Variants in MAT1A observed in about 807,000 individuals in gnomAD.
The protein encoded by MAT1A is S-adenosylmethionine synthase isoform type-1.
Under a neutral mutation model 44.0 loss-of-function variants are expected in MAT1A, and 19 were observed. That is an observed-to-expected ratio of 0.43 (90% CI 0.30 to 0.63). The LOEUF (loss-of-function observed/expected upper bound fraction) is 0.63, where lower values mean the gene tolerates loss of function less well. Among genes scored for constraint, MAT1A ranks in the 30% least tolerant of loss-of-function variants. The probability of loss-of-function intolerance (pLI) is 0.12; values close to 1 mark genes in which losing one functional copy is unlikely to be tolerated. For synonymous variants in MAT1A, 205 were observed against 205.6 expected (o/e 1.00, Z 0.03); for missense variants, 397 against 531.0 (o/e 0.75, Z 2.48).
chr10:80,276,703 G>T, intron 5 of MAT1A, 109 bp from the exon 6 acceptor site: 1 of 1,000,408 alleles, frequency 1.0e-6, no homozygotes, highest in Non-Finnish European at 1.6e-6. Flanking sequence ...CAGGAGCCAA[G>T]TGGGGCCTCC....
At chr10:80,282,985 G>A (rs568308844) in intron 3 of MAT1A, among the ~76,000 whole-genome samples, 3 of 152,326 alleles carry the variant, frequency 2.0e-5, no homozygotes, top group Non-Finnish European at 4.4e-5. Flanking sequence ...TTGCCATGGC[G>A]TGAGGTCATC....
At chr10:80,280,375 C>A in intron 4 of MAT1A, 59 bp from the exon 5 acceptor site, 1 of 1,604,434 alleles carries the variant, frequency 6.2e-7, no homozygotes, top group Non-Finnish European at 8.5e-7. Flanking sequence ...CCGCAGCTCT[C>A]TCCAAGCCTG....
In MAT1A at chr10:80,289,581, C is replaced by T; in HGVS notation, c.-158G>A. 1.4e-6 allele frequency: 1 copy of T among 689,940 alleles called. No individual in the cohort carries two copies. The highest frequency in any genetic ancestry group is 2.6e-6 in the Non-Finnish European group (1 of 377,876). 42.7% of individuals were successfully genotyped at this position (689,940 alleles called of 1,614,324 possible). On this transcript the variant is annotated 5_prime_UTR_variant, in exon 1 of 9. It adds an upstream start codon to the 5' untranslated region. Coordinates refer to ENST00000372213, the MANE Select transcript of MAT1A (RefSeq NM_000429.3). ...ACTTCTGCCTAACTGCCTGTGAGCA[C>T]GTGAGAACAGGCGAGGACTGCTGAG... is the stretch of plus-strand genomic sequence containing the variant.
At chr10:80,280,471 G>T (rs927100248) in intron 4 of MAT1A, among the ~76,000 whole-genome samples, 155 bp from the exon 5 acceptor site, 3 of 152,120 alleles carry the variant, frequency 2.0e-5, no homozygotes, top group Non-Finnish European at 2.9e-5. Context: ...CGTCATCCCT[G>T]ACCCCCAACA....
chr10:80,274,045 A>G (rs1378417648), intron 8 of MAT1A, among the ~76,000 whole-genome samples, 162 bp from the exon 9 acceptor site: 1 of 152,182 alleles, frequency 6.6e-6, no homozygotes, highest in Non-Finnish European at 1.5e-5. Context: ...TATCTGTGCC[A>G]TACCCTGGTC....
intron 5 of MAT1A, among the ~76,000 whole-genome samples, chr10:80,278,346 G>T (rs1189032300): frequency 6.6e-6 from 1 of 151,970 alleles, no homozygotes; most frequent in African/African-American, 2.4e-5. Context: ...GGTCCAGTAG[G>T]TGGTCCCTCT....
chr10:80,281,904 C>T (rs961503783), intron 3 of MAT1A, among the ~76,000 whole-genome samples: 1 of 152,178 alleles, frequency 6.6e-6, no homozygotes, highest in Non-Finnish European at 1.5e-5. Context: ...CTCCAGCTCC[C>T]ACCCCACATG....
rs1384183313 is a variant in MAT1A at position 80,274,501 on chromosome 10, G to C, written c.1085+19C>G. ...GGAAGGAGCAAGGTCCTGTGTAATA[G>C]CAGCGCATGGCACTTTACCTGACAA... is the stretch of plus-strand genomic sequence containing the variant. On this transcript the variant is annotated intron_variant, in intron 8 of 8. Coordinates refer to ENST00000372213, the MANE Select transcript of MAT1A (RefSeq NM_000429.3). 2 of 1,613,824 alleles carry C rather than the reference G, an allele frequency of 1.2e-6. No individual in the cohort carries two copies. The highest frequency in any genetic ancestry group is 1.7e-6 in the Non-Finnish European group (2 of 1,179,918).
chr10:80,280,363 G>A, intron 4 of MAT1A, 47 bp from the exon 5 acceptor site: 1 of 1,610,374 alleles, frequency 6.2e-7, no homozygotes. Context: ...AGACCAAGAG[G>A]ACCGCAGCTC....
At chr10:80,288,235 A>G (rs1399969881) in intron 1 of MAT1A, among the ~76,000 whole-genome samples, 2 of 152,238 alleles carry the variant, frequency 1.3e-5, no homozygotes, top group Non-Finnish European at 2.9e-5. Flanking sequence ...GGACTTAACT[A>G]TAGAAGTCTG....
At chr10:80,280,462 G>A (rs538316723) in intron 4 of MAT1A, 146 bp from the exon 5 acceptor site, 92 of 1,137,908 alleles carry the variant, frequency 8.1e-5, no homozygotes, top group African/African-American at 4.3e-4. Context: ...GGGGAAGGAC[G>A]TCATCCCTGA....
At position 80,273,353 on chromosome 10, in the gene MAT1A, C is replaced by A. The variant is rs766915369; in HGVS notation, c.*428G>T. ...AGACCCTGGCTCAGGGCACTGGCTG[C>A]CTGTGAAAGGGGGGTCCAGGAGCCC... is the stretch of plus-strand genomic sequence containing the variant. On this transcript the variant is annotated 3_prime_UTR_variant, in exon 9 of 9. Transcript: ENST00000372213. 19 of 263,158 alleles carry A rather than the reference C, an allele frequency of 7.2e-5. No homozygotes were observed. In the South Asian group the frequency reaches 8.7e-4, roughly 12 times the overall value. The allele number at this position is 263,158 out of a possible 1,614,324, so 16.3% of individuals were successfully genotyped here.
intron 5 of MAT1A, 137 bp from the exon 6 acceptor site, chr10:80,276,731 G>A (rs374820126): frequency 1.2e-6 from 1 of 826,816 alleles, no homozygotes. Flanking sequence ...AAAGGGTGTT[G>A]GGGGAGTTAA....
Position 80,276,536 on chromosome 10 carries a change from A to T in MAT1A, c.608T>A (p.Ile203Asn), listed in dbSNP as rs1332250801. 1 of 1,613,980 alleles carries T rather than the reference A, an allele frequency of 6.2e-7. No individual in the cohort carries two copies. Among genetic ancestry groups the T allele is most frequent in the East Asian group, 2.2e-5 (1 of 44,888 alleles). ...GAVIPVRIHT[I>N]VISVQHNEDI... ...TTCGTTGTGCTGCACAGAGATGACG[A>T]TGGTGTGGATGCGCACAGGGATGAC... The change falls in exon 6 of 9, where the codon ATC becomes AAC. Residue 203 changes from isoleucine (I) to asparagine (N), a missense_variant. Ile to Asn is a moderately radical substitution (Grantham distance 149). Coordinates refer to ENST00000372213, the MANE Select transcript of MAT1A (RefSeq NM_000429.3).
At position 80,289,404 on chromosome 10, in the gene MAT1A, C is replaced by T. The variant is rs1469623013; in HGVS notation, c.20G>A (p.Gly7Asp). MNGPVD[G>D]LCDHSLSEGV... Reference sequence around the variant, plus strand: ...TTCACTTAGAGAGTGGTCACACAAGCCATCCACCGGTCCATTCATCTTCTC... The same window carrying T: ...TTCACTTAGAGAGTGGTCACACAAGTCATCCACCGGTCCATTCATCTTCTC... The change falls in exon 1 of 9, where the codon GGC becomes GAC. Residue 7 changes from glycine to aspartate, a missense_variant. Gly to Asp is a moderately conservative substitution (Grantham distance 94). Coordinates refer to ENST00000372213, the MANE Select transcript of MAT1A (RefSeq NM_000429.3). 2 of 1,614,086 alleles carry T rather than the reference C, an allele frequency of 1.2e-6. 1 individual carries two copies. The highest frequency in any genetic ancestry group is 2.2e-5 in the South Asian group (2 of 91,084).
chr10:80,288,896 T>C (rs1841683330), intron 1 of MAT1A, among the ~76,000 whole-genome samples: 1 of 152,218 alleles, frequency 6.6e-6, no homozygotes, highest in African/African-American at 2.4e-5. Flanking sequence ...GGCGTGCTGG[T>C]GGTGGGCCAC....
At chr10:80,275,805 G>A (rs993597749) in intron 6 of MAT1A, among the ~76,000 whole-genome samples, 3 of 152,220 alleles carry the variant, frequency 2.0e-5, no homozygotes, top group African/African-American at 7.2e-5. Context: ...ACTGGAACCC[G>A]GGATGGAGCT....
Position 80,285,509 on chromosome 10 carries a change from T to C in MAT1A, c.169+3A>G. On this transcript the variant is annotated splice_donor_region_variant and intron_variant, in intron 2 of 8. Transcript: ENST00000372213. ...CAGCAGGGAGGGATCGGGTGTTTCT[T>C]ACCACAGGCCACCTTGGCATTGGGG... 1 of 1,613,798 alleles carries C rather than the reference T, an allele frequency of 6.2e-7. No individual in the cohort carries two copies. Among genetic ancestry groups the C allele is most frequent in the Middle Eastern group, 1.7e-4 (1 of 6,060 alleles).
At chr10:80,280,417 T>G in intron 4 of MAT1A, 101 bp from the exon 5 acceptor site, 3 of 1,442,252 alleles carry the variant, frequency 2.1e-6, no homozygotes, top group Non-Finnish European at 2.9e-6. Flanking sequence ...GTTGATTGGG[T>G]GCCTCCTCCA....
Sources: gnomAD v4.1 joint callset for allele counts (sites outside exome capture counted in the v4.1 genomes callset) on GRCh38, gnomAD v4.1.1 for gene constraint, MANE v1.5 for transcripts, NCBI Gene and HGNC (gene_info 2026-07-23, HGNC 2026-07-21) for gene names.